Variants in NEBL observed in about 807,000 individuals in gnomAD.
NEBL encodes the protein LIM and SH3 protein 2.
A neutral mutation model predicts 140.2 loss-of-function variants in NEBL; 122 were observed. That is an observed-to-expected ratio of 0.87 (90% CI 0.75 to 1.01). The LOEUF is 1.01. Ranked by LOEUF, NEBL falls within the 50% of genes least tolerant of loss-of-function variation. The probability of loss-of-function intolerance (pLI) is 0.00; values close to 1 mark genes in which losing one functional copy is unlikely to be tolerated. For missense variants in NEBL, 1,365 were observed against 1,231.3 expected (o/e 1.11, Z -1.62); for synonymous variants, 436 against 398.9 (o/e 1.09, Z -1.11).
At chr10:21,072,541 A>G (rs1835865537) in intron 2 of NEBL, among the ~76,000 whole-genome samples, 1 of 152,268 alleles carries the variant, frequency 6.6e-6, no homozygotes, top group African/African-American at 2.4e-5. Context: ...TAGAGGTCAT[A>G]CAGGCCACGG....
intron 2 of NEBL, among the ~76,000 whole-genome samples, chr10:21,025,823 G>C (rs531920362): frequency 4.6e-5 from 7 of 152,212 alleles, no homozygotes; most frequent in African/African-American, 1.2e-4. Context: ...CACAATTCAG[G>C]CTTGCTGCAA....
At chr10:21,264,930 ATTTTATTTTTAT>A (rs1394452473) in intron 1 of NEBL, among the ~76,000 whole-genome samples, 3 of 151,262 alleles carry the variant, frequency 2.0e-5, no homozygotes, top group Admixed American at 6.6e-5. Flanking sequence ...CTTTTATTTT[ATTTTATTTTTAT>A]TTTTATTTTT....
At chr10:21,139,905 C>G (rs567853779) in intron 2 of NEBL, among the ~76,000 whole-genome samples, 21 of 150,270 alleles carry the variant, frequency 1.4e-4, no homozygotes, top group African/African-American at 4.9e-4. Flanking sequence ...AATCCCAGCA[C>G]TTTGGGAGGC....
intron 3 of NEBL, among the ~76,000 whole-genome samples, chr10:21,011,304 T>C (rs936165007): frequency 6.6e-6 from 1 of 152,194 alleles, no homozygotes; most frequent in Non-Finnish European, 1.5e-5. Flanking sequence ...TTATTTACGA[T>C]GTACTCGTAT....
At chr10:21,007,111 GA>G (rs113491557) in intron 3 of NEBL, among the ~76,000 whole-genome samples, 25 of 148,168 alleles carry the variant, frequency 1.7e-4, no homozygotes, top group East Asian at 1.6e-3. Flanking sequence ...ATGAAATACA[GA>G]AAAAAAAAAC....
intron 26 of NEBL, chr10:20,793,392 A>G (rs745673558): frequency 1.2e-5 from 12 of 966,874 alleles, no homozygotes; most frequent in Non-Finnish European, 1.4e-5. Context: ...AAGGAAGGAC[A>G]GGAGATTAAG....
chr10:21,064,377 C>T (rs1264493759), intron 2 of NEBL, among the ~76,000 whole-genome samples: 1 of 152,032 alleles, frequency 6.6e-6, no homozygotes, highest in Non-Finnish European at 1.5e-5. Flanking sequence ...GTGTTGCCTT[C>T]CCAGAAAACA....
intron 4 of NEBL, among the ~76,000 whole-genome samples, chr10:20,914,935 C>CA (rs1848475952): frequency 6.7e-6 from 1 of 149,202 alleles, no homozygotes; most frequent in Admixed American, 6.7e-5. Context: ...TTGACTCATG[C>CA]AATTCTCCTA....
At chr10:21,271,602 T>G (rs113769937) in intron 1 of NEBL, among the ~76,000 whole-genome samples, 91 of 151,502 alleles carry the variant, frequency 6.0e-4, no homozygotes, top group African/African-American at 1.9e-3. Flanking sequence ...CTCGGCTCAC[T>G]GCAACCTCCA....
intron 2 of NEBL, among the ~76,000 whole-genome samples, chr10:21,039,397 T>C (rs978996093): frequency 1.3e-5 from 2 of 152,200 alleles, no homozygotes; most frequent in African/African-American, 4.8e-5. Context: ...TGAGTTAATA[T>C]TTGTATAAGG....
chr10:21,042,744 C>T (rs1266918521), intron 2 of NEBL, among the ~76,000 whole-genome samples: 1 of 152,144 alleles, frequency 6.6e-6, no homozygotes, highest in Non-Finnish European at 1.5e-5. Flanking sequence ...TAACCATTGA[C>T]CAGCAAACCT....
intron 5 of NEBL, among the ~76,000 whole-genome samples, chr10:20,878,361 C>T (rs1845702825): frequency 6.6e-6 from 1 of 152,162 alleles, no homozygotes; most frequent in South Asian, 2.1e-4. Context: ...TAATGACACA[C>T]TTTTATTTTA....
intron 10 of NEBL, among the ~76,000 whole-genome samples, chr10:20,851,154 T>C (rs1246780606): frequency 2.0e-5 from 3 of 152,214 alleles, no homozygotes; most frequent in Non-Finnish European, 2.9e-5. Context: ...AAAAATAATA[T>C]GTAAGCCATC....
intron 3 of NEBL, among the ~76,000 whole-genome samples, chr10:21,225,529 T>G (rs1488256434): frequency 6.6e-6 from 1 of 152,168 alleles, no homozygotes; most frequent in African/African-American, 2.4e-5. Flanking sequence ...AGCTAGGGCC[T>G]GAATTGAAAA....
chr10:21,158,737 T>TG (rs1490177397), intron 2 of NEBL, among the ~76,000 whole-genome samples: 1 of 152,218 alleles, frequency 6.6e-6, no homozygotes, highest in Non-Finnish European at 1.5e-5. Flanking sequence ...GTCTGACTAC[T>TG]GGCTCTCCTA....
rs116157103 is a variant in NEBL at position 21,152,466 on chromosome 10, G to A, written c.164+19917C>T. Among the ~76,000 whole-genome samples the A allele has an allele frequency of 9.7e-4, 147 of 151,976 alleles. 1 individual carries two copies. Among genetic ancestry groups the A allele is most frequent in the African/African-American group, 3.3e-3 (135 of 41,462 alleles). ...CATTGACAAACCTCAGCATAAATCCGCAGGACACTGAAGTGGGAGGATCAC... is the reference window on the plus strand; with the variant it reads ...CATTGACAAACCTCAGCATAAATCCACAGGACACTGAAGTGGGAGGATCAC... On this transcript the variant is annotated intron_variant, in intron 2 of 6. Transcript: ENST00000417816.
At chr10:21,229,899 C>A (rs989670252) in intron 3 of NEBL, among the ~76,000 whole-genome samples, 1 of 152,224 alleles carries the variant, frequency 6.6e-6, no homozygotes, top group South Asian at 2.1e-4. Flanking sequence ...TCATTCAGAG[C>A]AGAAGCTTTT....
chr10:20,790,600 C>CAA (rs558358426), intron 26 of NEBL, among the ~76,000 whole-genome samples: 1,130 of 82,488 alleles, frequency 0.014, 18 homozygotes, highest in East Asian at 0.075. Flanking sequence ...AACTCTGTCT[C>CAA]AAAAAAAAAA....
chr10:21,093,599 G>T (rs1251861270), intron 2 of NEBL, among the ~76,000 whole-genome samples: 2 of 152,204 alleles, frequency 1.3e-5, no homozygotes, highest in East Asian at 3.8e-4. Flanking sequence ...CCAGATGGGG[G>T]TCACAGCATT....
Sources: allele counts gnomAD v4.1 joint callset (sites outside exome capture counted in the v4.1 genomes callset), GRCh38; gene constraint gnomAD v4.1.1; transcripts MANE v1.5; gene names NCBI Gene and HGNC (gene_info 2026-07-23, HGNC 2026-07-21).